The following SAMD4A variants were observed in gnomAD, a reference collection of about 807,000 sequenced individuals.
SAMD4A encodes the protein sterile alpha motif domain containing 4A.
A neutral mutation model predicts 81.3 loss-of-function variants in SAMD4A; 33 were observed. That is an observed-to-expected ratio of 0.41 (90% CI 0.31 to 0.54). The LOEUF is 0.54. Ranked by LOEUF, SAMD4A falls within the 20% of genes least tolerant of loss-of-function variation. SAMD4A has a pLI of 0.37. For synonymous variants in SAMD4A, 389 were observed against 382.1 expected, an observed-to-expected ratio of 1.02 and a Z score of -0.21; for missense variants, 854 against 951.1, an observed-to-expected ratio of 0.90 and a Z score of 1.34.
rs2035898279 is a variant in SAMD4A at position 54,672,133 on chromosome 14, C to T, written c.197-29929C>T. Among the ~76,000 whole-genome samples the T allele has an allele frequency of 2.7e-5, 4 of 150,778 alleles. No individual in the cohort carries two copies. In the South Asian group the frequency reaches 8.4e-4, roughly 32 times the overall value. On this transcript the variant is annotated intron_variant, in intron 2 of 12. Coordinates refer to ENST00000554335, the MANE Select transcript of SAMD4A (RefSeq NM_015589.6). The stretch of plus-strand genomic sequence containing the variant: ...TGAGATGGGGTCTTGCCTTGTTGCC[C>T]AGGCTGGACTGGAACCCCTGGGTTC...
intron 3 of SAMD4A, among the ~76,000 whole-genome samples, chr14:54,725,003 T>C (rs183580769): frequency 6.6e-6 from 1 of 152,308 alleles, no homozygotes; most frequent in Admixed American, 6.5e-5. Context: ...TCCACTGGGC[T>C]GTAATGTCTT....
intron 2 of SAMD4A, among the ~76,000 whole-genome samples, chr14:54,579,581 C>G (rs2033406496): frequency 6.6e-6 from 1 of 152,178 alleles, no homozygotes; most frequent in South Asian, 2.1e-4. Context: ...TTCAGCTTGT[C>G]CATTTAAATA....
At chr14:54,681,946 G>A in intron 2 of SAMD4A, 2 of 985,422 alleles carry the variant, frequency 2.0e-6, no homozygotes, top group South Asian at 9.4e-5. Flanking sequence ...AGGAAATGCA[G>A]AGCCATTGAA....
In SAMD4A at chr14:54,702,591, C is replaced by T. The variant is rs115718319; in HGVS notation, c.715+11C>T. On this transcript the variant is annotated intron_variant, in intron 3 of 12. Coordinates refer to ENST00000554335, the MANE Select transcript of SAMD4A (RefSeq NM_015589.6). The stretch of plus-strand genomic sequence containing the variant: ...CCAGCACAAGTACAAGTAAGTTCCC[C>T]GGAATCCCTTTAACGTAGTCTGGTT... The T allele has an allele frequency of 6.3e-5, 101 of 1,612,902 alleles. No homozygotes were observed. The African/African-American group carries it at 1.2e-3, about 19-fold the overall frequency.
At chr14:54,569,945 T>C (rs1459293536) in intron 2 of SAMD4A, among the ~76,000 whole-genome samples, 1 of 152,180 alleles carries the variant, frequency 6.6e-6, no homozygotes, top group Non-Finnish European at 1.5e-5. Flanking sequence ...ATTTTAAAAA[T>C]CTCATAATTT....
At chr14:54,732,732 A>G (rs1194895021) in intron 3 of SAMD4A, among the ~76,000 whole-genome samples, 1 of 152,200 alleles carries the variant, frequency 6.6e-6, no homozygotes, top group African/African-American at 2.4e-5. Context: ...TCTCCTTGAC[A>G]GTGAGGTATG....
At chr14:54,661,306 T>C (rs1396017095) in intron 2 of SAMD4A, among the ~76,000 whole-genome samples, 1 of 152,240 alleles carries the variant, frequency 6.6e-6, no homozygotes, top group South Asian at 2.1e-4. Context: ...TTTTCATACC[T>C]ATATTTTAGA....
chr14:54,566,753 GCA>G (rs1023871197), upstream of SAMD4A, among the ~76,000 whole-genome samples: 8 of 151,722 alleles, frequency 5.3e-5, no homozygotes, highest in African/African-American at 9.7e-5. Flanking sequence ...ACACACGCGC[GCA>G]CACACACACG....
rs935518078 is a variant in SAMD4A, at chr14:54,774,946, G to A, written c.1728G>A (p.Gly576=). Residue 576 remains glycine, a synonymous_variant, in exon 10 of 13, where the codon GGG becomes GGA. Transcript: ENST00000554335. ...TTGGCTCTCACAGTCGAGGCTTTGGGCAATCCAACTCCCTCCCGACGGCTG... is the reference window on the plus strand; with the variant it reads ...TTGGCTCTCACAGTCGAGGCTTTGGACAATCCAACTCCCTCCCGACGGCTG... The part of the protein sequence containing the change: ...GYRQQRNRGF[G]QSNSLPTAGS... The A allele has an allele frequency of 1.2e-6, 2 of 1,614,066 alleles. No homozygotes were observed. The highest frequency in any genetic ancestry group is 2.7e-5 in the African/African-American group (2 of 74,922).
intron 12 of SAMD4A, 77 bp downstream of exon 12, chr14:54,784,697 C>A (rs2039089685): frequency 2.3e-6 from 3 of 1,319,740 alleles, no homozygotes; most frequent in South Asian, 2.4e-5. Flanking sequence ...GCTGTCTATA[C>A]CGTGGCAGGA....
intron 3 of SAMD4A, among the ~76,000 whole-genome samples, chr14:54,720,269 T>G (rs2037227515): frequency 6.6e-6 from 1 of 152,202 alleles, no homozygotes. Context: ...AGATATCACA[T>G]TTGATTTTTG....
At position 54,567,277 on chromosome 14, in the gene SAMD4A, C is replaced by T. The variant is rs1184792652; in HGVS notation, c.-483C>T. On this transcript the variant is annotated 5_prime_UTR_variant, in exon 1 of 13. Transcript: ENST00000554335. Reference sequence around the variant, plus strand: ...AACAGGAAGCCGCGGGGTCTCCTCCCGCACCTGGGAAGCAGGCTTCTCGCT... The same window carrying T: ...AACAGGAAGCCGCGGGGTCTCCTCCTGCACCTGGGAAGCAGGCTTCTCGCT... The T allele has an allele frequency of 6.6e-6, 1 of 152,256 alleles. No individual in the cohort carries two copies. Among genetic ancestry groups the T allele is most frequent in the Admixed American group, 6.5e-5 (1 of 15,286 alleles). 9.4% of individuals were successfully genotyped at this position (152,256 alleles called of 1,614,324 possible).
Position 54,790,916 on chromosome 14 carries a change from C to T in SAMD4A, c.*1972C>T, listed in dbSNP as rs1352653094. The T allele has an allele frequency of 1.3e-5, 2 of 151,822 alleles. No individual in the cohort carries two copies. Among genetic ancestry groups the T allele is most frequent in the Non-Finnish European group, 2.9e-5 (2 of 67,982 alleles). 9.4% of individuals were successfully genotyped at this position (151,822 alleles called of 1,614,324 possible). ...CCTTTTGAGTCTAAGAAGGTGAGAA[C>T]AATGTAACCATAGAAAGCCTTTCGT... On this transcript the variant is annotated 3_prime_UTR_variant, in exon 13 of 13. Transcript: ENST00000554335.
chr14:54,783,490 G>C (rs1181615507), intron 11 of SAMD4A, among the ~76,000 whole-genome samples: 1 of 152,246 alleles, frequency 6.6e-6, no homozygotes, highest in Non-Finnish European at 1.5e-5. Context: ...AGGGGTTCCA[G>C]GTGGTAGAGG....
At chr14:54,680,717 A>G (rs1440395399) in intron 2 of SAMD4A, among the ~76,000 whole-genome samples, 2 of 152,198 alleles carry the variant, frequency 1.3e-5, no homozygotes, top group African/African-American at 2.4e-5. Context: ...TTATATTTTT[A>G]CTGTATTTTC....
chr14:54,690,199 G>A (rs996040216), intron 2 of SAMD4A: 14 of 152,116 alleles, frequency 9.2e-5, no homozygotes, highest in African/African-American at 3.4e-4. Flanking sequence ...GAGCTCAATT[G>A]TGGTAGAGAA....
At chr14:54,599,849 G>A (rs1453144782) in intron 2 of SAMD4A, among the ~76,000 whole-genome samples, 1 of 151,982 alleles carries the variant, frequency 6.6e-6, no homozygotes, top group African/African-American at 2.4e-5. Flanking sequence ...TCAATCAATT[G>A]GGTAGACATC....
chr14:54,582,998 C>A (rs1217392885), intron 2 of SAMD4A, among the ~76,000 whole-genome samples: 1 of 152,092 alleles, frequency 6.6e-6, no homozygotes, highest in Non-Finnish European at 1.5e-5. Flanking sequence ...GGCTGGAGTG[C>A]AGTGGCGCAA....
chr14:54,788,844 C>T (rs930770906), intron 12 of SAMD4A, 72 bp from the exon 13 acceptor site: 29 of 1,590,770 alleles, frequency 1.8e-5, no homozygotes, highest in East Asian at 8.9e-5. Flanking sequence ...CCGTGCATGG[C>T]GTTGGCATAG....
Sources: allele counts gnomAD v4.1 joint callset (sites outside exome capture counted in the v4.1 genomes callset), GRCh38; gene constraint gnomAD v4.1.1; transcripts MANE v1.5; gene names NCBI Gene and HGNC (gene_info 2026-07-23, HGNC 2026-07-21).